MIB1: variants seen among roughly 807,000 people sequenced by gnomAD.
The protein encoded by MIB1 is E3 ubiquitin-protein ligase MIB1.
Under a neutral mutation model 124.5 loss-of-function variants are expected in MIB1, and 278 were observed. That is an observed-to-expected ratio of 2.23 (90% CI 2.02 to 2.47). MIB1 has a LOEUF of 2.47. MIB1 is among the 30% of genes most tolerant of loss of function. The pLI is 0.00. For missense variants in MIB1, 957 were observed against 1,254.4 expected (o/e 0.76, Z 3.58); for synonymous variants, 446 against 429.4 (o/e 1.04, Z -0.48).
At position 21,847,083 on chromosome 18, in the gene MIB1, A is replaced by G. The variant is rs771905687; in HGVS notation, c.2351A>G (p.Asn784Ser). The G allele has an allele frequency of 3.7e-6, 6 of 1,614,058 alleles. No individual in the cohort carries two copies. Among genetic ancestry groups the G allele is most frequent in the Non-Finnish European group, 5.1e-6 (6 of 1,180,026 alleles). Residue 784 changes from asparagine to serine, a missense_variant, in exon 16 of 21, where the codon AAT becomes AGT. Coordinates refer to ENST00000261537, the MANE Select transcript of MIB1 (RefSeq NM_020774.4). ...CCACTTGATCTCTGTCCTGATCCGA[A>G]TCTCTGCAAAGCACTGGCAAAGTGT... is the stretch of plus-strand genomic sequence containing the variant. ...QSPLDLCPDP[N>S]LCKALAKCHK...
chr18:21,710,796 G>T (rs2146352141), intron 1 of MIB1, among the ~76,000 whole-genome samples: 2 of 149,572 alleles, frequency 1.3e-5, no homozygotes, highest in South Asian at 4.2e-4. Flanking sequence ...ACACAAAAAA[G>T]ATAGATATGC....
Position 21,865,220 on chromosome 18 carries a change from G to C in MIB1, c.*554G>C, listed in dbSNP as rs958232320. 7.2e-5 allele frequency: 11 copies of C among 152,162 alleles called. No homozygotes were observed. The highest frequency in any genetic ancestry group is 3.9e-4 in the Admixed American group (6 of 15,278). The allele number at this position is 152,162 out of a possible 1,614,324, so 9.4% of individuals were successfully genotyped here. A position where few individuals can be genotyped will look rare whatever the true frequency, so the allele number is the denominator to read the frequency against. ...ATAACAGGAAGTTACCCACATGTTT[G>C]TTTCTGAATTCTTAGAGTAAATGGA... On this transcript the variant is annotated 3_prime_UTR_variant, in exon 21 of 21. Coordinates refer to ENST00000261537, the MANE Select transcript of MIB1 (RefSeq NM_020774.4).
chr18:21,795,944 T>A (rs1185347007), intron 7 of MIB1, among the ~76,000 whole-genome samples: 2 of 152,092 alleles, frequency 1.3e-5, no homozygotes, highest in South Asian at 2.1e-4. Flanking sequence ...ATTATCAGAG[T>A]TGTAAAAGGA....
At chr18:21,734,226 C>T (rs1326089747) in intron 1 of MIB1, among the ~76,000 whole-genome samples, 1 of 151,622 alleles carries the variant, frequency 6.6e-6, no homozygotes, top group East Asian at 2.0e-4. Flanking sequence ...GCTGCCTCAG[C>T]CTCCCAAGTA....
At chr18:21,777,196 A>G (rs2041299185) in intron 4 of MIB1, among the ~76,000 whole-genome samples, 1 of 151,814 alleles carries the variant, frequency 6.6e-6, no homozygotes, top group Non-Finnish European at 1.5e-5. Context: ...AGGTGGGTGG[A>G]TTACTTGAAA....
intron 12 of MIB1, chr18:21,829,537 A>C (rs956845917): frequency 1.3e-5 from 2 of 152,166 alleles, no homozygotes; most frequent in African/African-American, 4.8e-5. Flanking sequence ...TTAACCAATA[A>C]GTATTTCTGA....
chr18:21,843,215 AG>A lies in MIB1; in HGVS notation c.2049+1del. The A allele has an allele frequency of 6.3e-7, 1 of 1,577,164 alleles. No homozygotes were observed. The highest frequency in any genetic ancestry group is 8.6e-7 in the Non-Finnish European group (1 of 1,165,366). On this transcript the variant is annotated frameshift_variant and splice_region_variant, in exon 14 of 21. Coordinates refer to ENST00000261537, the MANE Select transcript of MIB1 (RefSeq NM_020774.4). LOFTEE classifies it high-confidence loss of function. ...TGAACGACAGCATACCCAGATTGTT[AG>A]GGTAAAGTATTGACATACATTTTAG... is the stretch of plus-strand genomic sequence containing the variant. Reference protein sequence around the residue: ...AVERQHTQIVRLLVRAGAKLD... With the variant: ...AVERQHTQIVXLLVRAGAKLD...
chr18:21,750,933 A>C (rs978632005), intron 1 of MIB1, among the ~76,000 whole-genome samples: 3 of 152,140 alleles, frequency 2.0e-5, no homozygotes, highest in African/African-American at 7.2e-5. Context: ...ACAGTGGCTG[A>C]CGCCTGTAAT....
At chr18:21,751,950 A>G (rs1298491412) in intron 1 of MIB1, among the ~76,000 whole-genome samples, 3 of 152,250 alleles carry the variant, frequency 2.0e-5, no homozygotes, top group African/African-American at 4.8e-5. Context: ...ACTGTTGGAC[A>G]TTAATAGGTT....
At chr18:21,721,707 A>G (rs1027434610) in intron 1 of MIB1, among the ~76,000 whole-genome samples, 8 of 152,152 alleles carry the variant, frequency 5.3e-5, no homozygotes, top group Non-Finnish European at 8.8e-5. Context: ...GCTTGTGGGT[A>G]GGGTGAAAAA....
At chr18:21,792,344 A>C (rs1475780119) in intron 7 of MIB1, among the ~76,000 whole-genome samples, 1 of 151,700 alleles carries the variant, frequency 6.6e-6, no homozygotes, top group Non-Finnish European at 1.5e-5. Context: ...CATCCCTCTT[A>C]GTATCCTATT....
chr18:21,847,023 C>CT lies in MIB1; in HGVS notation c.2292dup (p.Asp765Ter). 1 of 1,614,160 alleles carries CT rather than the reference C, an allele frequency of 6.2e-7. No individual in the cohort carries two copies. Among genetic ancestry groups the CT allele is most frequent in the Non-Finnish European group, 8.5e-7 (1 of 1,180,018 alleles). ...GCCTGTTTCTTGGCAGCCAATGGTG[C>CT]TGACCTGAGCATTCGAAATAAGAAG... On this transcript the variant is annotated frameshift_variant, in exon 16 of 21. Transcript: ENST00000261537. LOFTEE classifies it high-confidence loss of function.
chr18:21,749,888 C>T (rs1020296306), intron 1 of MIB1, among the ~76,000 whole-genome samples: 1 of 151,962 alleles, frequency 6.6e-6, no homozygotes, highest in African/African-American at 2.4e-5. Flanking sequence ...GTGATCCACC[C>T]ACCTCAGCTT....
chr18:21,841,395 CA>C (rs770560607), intron 13 of MIB1, among the ~76,000 whole-genome samples: 12 of 151,984 alleles, frequency 7.9e-5, no homozygotes, highest in Non-Finnish European at 1.3e-4. Flanking sequence ...AATAAAAGGA[CA>C]AATAACTCTA....
intron 1 of MIB1, among the ~76,000 whole-genome samples, chr18:21,705,475 C>T (rs1034324060): frequency 2.6e-5 from 4 of 152,102 alleles, no homozygotes; most frequent in Non-Finnish European, 4.4e-5. Context: ...GACAAGAAAC[C>T]ATTTATGAAG....
At position 21,778,005 on chromosome 18, in the gene MIB1, G is replaced by C. The variant is rs77229914; in HGVS notation, c.637-98G>C. The C allele has an allele frequency of 0.013, 10,238 of 809,468 alleles. 812 individuals are homozygous for C. In the Admixed American group the frequency reaches 0.16, roughly 13 times the overall value. The allele number at this position is 809,468 out of a possible 1,614,324, so 50.1% of individuals were successfully genotyped here. ...TTGACCTAGACTGTTCTTGATTTCT[G>C]TTTTGGGTATGTTCTGAATGAATAT... is the stretch of plus-strand genomic sequence containing the variant. On this transcript the variant is annotated intron_variant, in intron 4 of 20. Coordinates refer to ENST00000261537, the MANE Select transcript of MIB1 (RefSeq NM_020774.4).
At chr18:21,822,549 T>C (rs766891592) in intron 12 of MIB1, among the ~76,000 whole-genome samples, 3 of 152,220 alleles carry the variant, frequency 2.0e-5, no homozygotes, top group Non-Finnish European at 4.4e-5. Context: ...TTAAGACATT[T>C]TTAGGTAGTT....
intron 1 of MIB1, among the ~76,000 whole-genome samples, chr18:21,752,005 C>T (rs2040980267): frequency 6.6e-6 from 1 of 152,070 alleles, no homozygotes; most frequent in Admixed American, 6.6e-5. Flanking sequence ...CAATATGTCA[C>T]AGGTAGTTTA....
chr18:21,783,386 G>T (rs1285771701), intron 6 of MIB1, among the ~76,000 whole-genome samples: 1 of 151,918 alleles, frequency 6.6e-6, no homozygotes, highest in African/African-American at 2.4e-5. Flanking sequence ...GGGACTACAG[G>T]TGCCCTCCAC....
Sources: gnomAD v4.1 joint callset for allele counts (sites outside exome capture counted in the v4.1 genomes callset) on GRCh38, gnomAD v4.1.1 for gene constraint, MANE v1.5 for transcripts, NCBI Gene and HGNC (gene_info 2026-07-23, HGNC 2026-07-21) for gene names.